The following CNTNAP2 variants were observed in gnomAD, a reference collection of about 807,000 sequenced individuals.
The protein encoded by CNTNAP2 is contactin associated protein 2.
CNTNAP2 carries 98 observed loss-of-function variants against 155.2 expected under a neutral mutation model. The ratio of observed to expected loss-of-function variants is 0.63; its 90% confidence interval spans 0.54 to 0.75. The LOEUF (loss-of-function observed/expected upper bound fraction) is 0.75. CNTNAP2 is among the 30% of genes least tolerant of loss of function. The pLI is 0.00. For synonymous variants in CNTNAP2, 651 were observed against 631.2 expected (o/e 1.03, Z -0.47); for missense variants, 1,727 against 1,688.1 (o/e 1.02, Z -0.40).
intron 10 of CNTNAP2, among the ~76,000 whole-genome samples, chr7:147,433,469 A>T (rs1351925350): frequency 6.6e-6 from 1 of 152,130 alleles, no homozygotes; most frequent in East Asian, 1.9e-4. Context: ...TCTGCAGGGC[A>T]CTCTGGGACA....
chr7:146,284,484 A>G (rs538492327), intron 1 of CNTNAP2, among the ~76,000 whole-genome samples: 1 of 152,312 alleles, frequency 6.6e-6, no homozygotes, highest in South Asian at 2.1e-4. Flanking sequence ...GGCGTAATTA[A>G]TAAATAGAAC....
At chr7:148,182,406 A>G (rs1795053908) in intron 18 of CNTNAP2, among the ~76,000 whole-genome samples, 6 of 152,142 alleles carry the variant, frequency 3.9e-5, no homozygotes, top group Admixed American at 3.9e-4. Context: ...TGAGTACTCC[A>G]TCACGTCTAT....
chr7:147,088,436 T>C (rs1030720719), intron 4 of CNTNAP2, among the ~76,000 whole-genome samples: 16 of 152,188 alleles, frequency 1.1e-4, no homozygotes, highest in South Asian at 4.1e-4. Flanking sequence ...ACCTTAAATT[T>C]TGAGGTTACA....
intron 1 of CNTNAP2, among the ~76,000 whole-genome samples, chr7:146,525,970 G>A (rs1393301966): frequency 1.3e-5 from 2 of 152,108 alleles, no homozygotes; most frequent in African/African-American, 4.8e-5. Context: ...CAAGGACACT[G>A]GAGGAAGTTG....
At chr7:147,036,147 T>C (rs1041904668) in intron 3 of CNTNAP2, among the ~76,000 whole-genome samples, 4 of 152,150 alleles carry the variant, frequency 2.6e-5, no homozygotes, top group African/African-American at 9.7e-5. Context: ...TTGTGAGCTA[T>C]GAATAATTTT....
intron 14 of CNTNAP2, 147 bp from the exon 15 acceptor site, chr7:147,977,715 G>C: frequency 8.9e-7 from 1 of 1,125,790 alleles, no homozygotes; most frequent in Non-Finnish European, 1.3e-6. Flanking sequence ...ATGGAAGAGA[G>C]AGAACAACTC....
chr7:147,337,629 C>A (rs922478371), intron 9 of CNTNAP2, among the ~76,000 whole-genome samples: 2 of 152,132 alleles, frequency 1.3e-5, no homozygotes, highest in Non-Finnish European at 2.9e-5. Flanking sequence ...ATTCTAAGGT[C>A]TCTACAAATT....
At chr7:147,527,024 T>C (rs1799336187) in intron 11 of CNTNAP2, among the ~76,000 whole-genome samples, 1 of 135,476 alleles carries the variant, frequency 7.4e-6, no homozygotes, top group Non-Finnish European at 1.6e-5. Flanking sequence ...TCTTTTTTTT[T>C]TTTTTTTTTT....
intron 16 of CNTNAP2, among the ~76,000 whole-genome samples, chr7:148,134,014 C>T (rs897193537): frequency 2.6e-5 from 4 of 152,090 alleles, no homozygotes; most frequent in South Asian, 2.1e-4. Context: ...GGAATAAAGC[C>T]GAAGCCCAAG....
chr7:147,299,890 A>G (rs1401426061), intron 8 of CNTNAP2, among the ~76,000 whole-genome samples: 1 of 152,064 alleles, frequency 6.6e-6, no homozygotes, highest in Non-Finnish European at 1.5e-5. Context: ...TTCTTTCCCT[A>G]AGTACACAGC....
chr7:147,067,444 A>G (rs1029159444), intron 4 of CNTNAP2, among the ~76,000 whole-genome samples: 7 of 152,190 alleles, frequency 4.6e-5, no homozygotes, highest in South Asian at 2.1e-4. Flanking sequence ...ACATTTGGGC[A>G]ATGAGGGATT....
rs1004208835 is a variant in CNTNAP2, at chr7:147,998,114, T to C, written c.2383+20125T>C. On this transcript the variant is annotated intron_variant, in intron 15 of 23. Coordinates refer to ENST00000361727, the MANE Select transcript of CNTNAP2 (RefSeq NM_014141.6). ...GTCATTTCTTTTTTCTTTTTTTTTT[T>C]TTTTTTTTTTTTTTTGAGACGGAGT... Among the ~76,000 whole-genome samples the C allele has an allele frequency of 4.4e-5, 6 of 135,184 alleles. No homozygotes were observed. The East Asian group carries it at 6.5e-4, about 15-fold the overall frequency. The allele number at this position is 135,184 out of a possible 152,430, so 88.7% of individuals were successfully genotyped here. A position where few individuals can be genotyped will look rare whatever the true frequency, so the allele number is the denominator to read the frequency against.
At chr7:146,923,775 G>C (rs369496385) in intron 3 of CNTNAP2, among the ~76,000 whole-genome samples, 6 of 151,986 alleles carry the variant, frequency 3.9e-5, no homozygotes, top group Non-Finnish European at 7.4e-5. Context: ...GATCTCTCTC[G>C]ATCTTTATGC....
intron 12 of CNTNAP2, among the ~76,000 whole-genome samples, chr7:147,599,978 A>G (rs889334595): frequency 1.3e-5 from 2 of 152,240 alleles, no homozygotes; most frequent in African/African-American, 4.8e-5. Flanking sequence ...AGCTTTTAAT[A>G]TTTGAAAACA....
Position 147,383,671 on chromosome 7 carries a change from T to G in CNTNAP2, c.1499-11938T>G, listed in dbSNP as rs112609611. Among the ~76,000 whole-genome samples the G allele has an allele frequency of 7.9e-3, 1,196 of 152,100 alleles. 13 individuals are homozygous for G. Among genetic ancestry groups the G allele is most frequent in the African/African-American group, 0.027 (1,133 of 41,494 alleles). ...CATTAAGACAAATACCTAATACATG[T>G]GGGGCTTAAAACCTAGATGATGGAT... On this transcript the variant is annotated intron_variant, in intron 9 of 23. Coordinates refer to ENST00000361727, the MANE Select transcript of CNTNAP2 (RefSeq NM_014141.6).
chr7:146,609,072 T>A (rs1176715055), intron 1 of CNTNAP2, among the ~76,000 whole-genome samples: 1 of 152,160 alleles, frequency 6.6e-6, no homozygotes, highest in Non-Finnish European at 1.5e-5. Context: ...ATGGCATTTG[T>A]CAGTCCATTT....
chr7:147,340,755 A>T (rs369447628), intron 9 of CNTNAP2, among the ~76,000 whole-genome samples: 3 of 152,234 alleles, frequency 2.0e-5, no homozygotes, highest in East Asian at 3.9e-4. Context: ...TTAAACTACC[A>T]TTTCACACTA....
chr7:146,668,712 C>T (rs1800244134), intron 1 of CNTNAP2, among the ~76,000 whole-genome samples: 1 of 151,954 alleles, frequency 6.6e-6, no homozygotes, highest in Non-Finnish European at 1.5e-5. Flanking sequence ...CTCCTTCTTC[C>T]TGGTCCAATC....
intron 11 of CNTNAP2, among the ~76,000 whole-genome samples, chr7:147,524,371 C>A (rs1584790725): frequency 6.6e-6 from 1 of 152,290 alleles, no homozygotes; most frequent in African/African-American, 2.4e-5. Flanking sequence ...GCCTGGGCAA[C>A]AAGAGTGAAA....
Sources: gnomAD v4.1 joint callset for allele counts (sites outside exome capture counted in the v4.1 genomes callset) on GRCh38, gnomAD v4.1.1 for gene constraint, MANE v1.5 for transcripts, NCBI Gene and HGNC (gene_info 2026-07-23, HGNC 2026-07-21) for gene names.